Variants in DLG2 observed in about 807,000 individuals in gnomAD.
DLG2 encodes the protein discs large MAGUK scaffold protein 2, also known as disks large homolog 2.
In DLG2, 45 loss-of-function variants were observed where a neutral mutation model predicts 132.5. The observed-to-expected ratio is 0.34, with a 90% CI of 0.27 to 0.44. DLG2 has a LOEUF of 0.44. Ranked by LOEUF, DLG2 falls within the 20% of genes least tolerant of loss-of-function variation. The pLI, the probability that DLG2 is intolerant of heterozygous loss-of-function variation, is 1.00. For missense variants in DLG2, 1,045 were observed against 1,196.9 expected, an observed-to-expected ratio of 0.87 and a Z score of 1.87; for synonymous variants, 424 against 419.6, an observed-to-expected ratio of 1.01 and a Z score of -0.13.
intron 7 of DLG2, among the ~76,000 whole-genome samples, chr11:84,336,992 C>G (rs2098488056): frequency 6.6e-6 from 1 of 152,122 alleles, no homozygotes; most frequent in South Asian, 2.1e-4. Flanking sequence ...ATAATCTTGA[C>G]AGAATTTCAT....
intron 9 of DLG2, among the ~76,000 whole-genome samples, chr11:84,134,535 C>G (rs1184338007): frequency 6.6e-6 from 1 of 152,048 alleles, no homozygotes; most frequent in Non-Finnish European, 1.5e-5. Flanking sequence ...CAACTAGGCA[C>G]ACACACAGTG....
chr11:84,305,845 G>C (rs1288501715), intron 7 of DLG2, among the ~76,000 whole-genome samples: 2 of 152,072 alleles, frequency 1.3e-5, no homozygotes, highest in Non-Finnish European at 2.9e-5. Context: ...CTCTAAAACA[G>C]AGTTTTATTA....
At chr11:85,596,016 G>A (rs566187895) in intron 3 of DLG2, among the ~76,000 whole-genome samples, 20 of 152,228 alleles carry the variant, frequency 1.3e-4, no homozygotes, top group South Asian at 8.3e-4. Flanking sequence ...ACTTTGGGAG[G>A]TTGAGGTGGG....
At chr11:84,173,579 G>T (rs549724958) in intron 8 of DLG2, among the ~76,000 whole-genome samples, 1 of 152,278 alleles carries the variant, frequency 6.6e-6, no homozygotes, top group African/African-American at 2.4e-5. Flanking sequence ...CGAATATGAT[G>T]ATCTAACCAG....
intron 3 of DLG2, among the ~76,000 whole-genome samples, chr11:85,536,609 G>A (rs996834254): frequency 5.3e-5 from 8 of 152,218 alleles, no homozygotes; most frequent in African/African-American, 1.4e-4. Flanking sequence ...CTGCTCACAG[G>A]GAAGTGTGAA....
intron 9 of DLG2, among the ~76,000 whole-genome samples, chr11:84,104,378 C>T (rs542021526): frequency 7.2e-5 from 11 of 151,844 alleles, no homozygotes; most frequent in Non-Finnish European, 1.3e-4. Flanking sequence ...ATCGGGTACA[C>T]ATGAACATAA....
In DLG2 at chr11:83,753,896, ATATATATT is replaced by A. The variant is rs1415564920; in HGVS notation, c.1825+32786_1825+32793del. On this transcript the variant is annotated intron_variant, in intron 18 of 27. Transcript: ENST00000376104. ...ATATGATATATATCATATATATCAT[ATATATATT>A]TCATATATATTTCATATATATAGTG... Among the ~76,000 whole-genome samples the A allele has an allele frequency of 1.0e-4, 7 of 68,170 alleles. 1 individual carries two copies. Among genetic ancestry groups the A allele is most frequent in the South Asian group, 5.2e-4 (1 of 1,918 alleles). 44.7% of individuals were successfully genotyped at this position (68,170 alleles called of 152,430 possible).
At chr11:85,282,530 C>T (rs2078295737) in intron 4 of DLG2, among the ~76,000 whole-genome samples, 1 of 151,426 alleles carries the variant, frequency 6.6e-6, no homozygotes, top group Non-Finnish European at 1.5e-5. Context: ...AGAAAAAACA[C>T]ACAAAATGCA....
chr11:83,882,047 A>G (rs567272059), intron 15 of DLG2, among the ~76,000 whole-genome samples: 1 of 152,318 alleles, frequency 6.6e-6, no homozygotes, highest in African/African-American at 2.4e-5. Context: ...AAAGAAATCC[A>G]GCATGGAAAG....
intron 6 of DLG2, among the ~76,000 whole-genome samples, chr11:85,010,940 G>T (rs2059101966): frequency 6.6e-6 from 1 of 152,130 alleles, no homozygotes; most frequent in Non-Finnish European, 1.5e-5. Flanking sequence ...CTTAGTTTTA[G>T]AATTATAAAA....
intron 9 of DLG2, among the ~76,000 whole-genome samples, chr11:84,122,063 G>GT (rs778522919): frequency 5.9e-5 from 9 of 151,506 alleles, no homozygotes; most frequent in Non-Finnish European, 1.3e-4. Context: ...GCTCATGCCT[G>GT]TAATTCCAGC....
At chr11:85,478,391 G>A (rs535637778) in intron 3 of DLG2, among the ~76,000 whole-genome samples, 1 of 152,106 alleles carries the variant, frequency 6.6e-6, no homozygotes, top group South Asian at 2.1e-4. Flanking sequence ...TCTGCTCCAA[G>A]CCCTCAGATG....
intron 19 of DLG2, among the ~76,000 whole-genome samples, chr11:83,558,848 CGTGTGTGTGTGTGTGTGT>C (rs3039336): frequency 7.0e-6 from 1 of 142,250 alleles, no homozygotes; most frequent in Non-Finnish European, 1.5e-5. Context: ...TGCTAGATGT[CGTGTGTGTGTGTGTGTGT>C]GTGTGTGTGT....
At chr11:85,099,328 A>G (rs1307063533) in intron 6 of DLG2, among the ~76,000 whole-genome samples, 2 of 152,178 alleles carry the variant, frequency 1.3e-5, no homozygotes, top group South Asian at 2.1e-4. Context: ...CACAATCAGA[A>G]AAGCAGAACA....
chr11:85,108,745 G>C (rs2072229180), intron 6 of DLG2, among the ~76,000 whole-genome samples: 1 of 151,978 alleles, frequency 6.6e-6, no homozygotes, highest in Non-Finnish European at 1.5e-5. Context: ...AAACATTGCT[G>C]ACTAGTAGTA....
intron 21 of DLG2, among the ~76,000 whole-genome samples, chr11:83,512,220 T>A (rs1328313062): frequency 6.6e-6 from 1 of 152,084 alleles, no homozygotes; most frequent in African/African-American, 2.4e-5. Flanking sequence ...TCTGCCCTCT[T>A]CTCTCCCCCA....
intron 14 of DLG2, among the ~76,000 whole-genome samples, chr11:83,946,799 TCTC>T (rs2084091082): frequency 6.6e-6 from 1 of 152,188 alleles, no homozygotes; most frequent in Non-Finnish European, 1.5e-5. Context: ...AACAAATATT[TCTC>T]TCTAAGCTGC....
chr11:84,511,121 G>GT (rs2099255977), intron 7 of DLG2, among the ~76,000 whole-genome samples: 1 of 152,072 alleles, frequency 6.6e-6, no homozygotes. Flanking sequence ...TATAAAATGA[G>GT]TTTGATGAGA....
At chr11:83,778,015 C>A (rs1318838824) in intron 18 of DLG2, among the ~76,000 whole-genome samples, 1 of 152,068 alleles carries the variant, frequency 6.6e-6, no homozygotes, top group Non-Finnish European at 1.5e-5. Flanking sequence ...AGGGACAGGA[C>A]GAGAAAAGTG....
Sources: allele counts gnomAD v4.1 joint callset (sites outside exome capture counted in the v4.1 genomes callset), GRCh38; gene constraint gnomAD v4.1.1; transcripts MANE v1.5; gene names NCBI Gene and HGNC (gene_info 2026-07-23, HGNC 2026-07-21).